The following GBP2 variants were observed in gnomAD, a reference collection of about 807,000 sequenced individuals.
GBP2 encodes guanylate binding protein 2.
A neutral mutation model predicts 60.8 loss-of-function variants in GBP2; 54 were observed. That is an observed-to-expected ratio of 0.89 (90% CI 0.71 to 1.11). The LOEUF (loss-of-function observed/expected upper bound fraction) is 1.11, where lower values mean the gene tolerates loss of function less well. GBP2 is among the 50% of genes most tolerant of loss of function. GBP2 has a pLI of 0.00. For missense variants in GBP2, 665 were observed against 703.3 expected, an observed-to-expected ratio of 0.95 and a Z score of 0.62; for synonymous variants, 243 against 256.5, an observed-to-expected ratio of 0.95 and a Z score of 0.50.
rs1265107317 is a variant in GBP2, at chr1:89,121,812, G to C, written c.155C>G (p.Ser52Cys). The C allele has an allele frequency of 3.2e-5, 52 of 1,613,902 alleles. No individual in the cohort carries two copies. Among genetic ancestry groups the C allele is most frequent in the Non-Finnish European group, 4.2e-5 (50 of 1,179,952 alleles). Residue 52 changes from serine to cysteine, a missense_variant, in exon 2 of 11, where the codon TCC (serine) becomes TGC (cysteine). Physicochemically the swap from Ser to Cys is moderately radical, Grantham distance 112. Coordinates refer to ENST00000370466, the MANE Select transcript of GBP2 (RefSeq NM_004120.5). ...CCCAGCCAGCTTGTTCATCAGGTAG[G>C]ATTTGCCTGTGCGATAGAGGCCCAC... The part of the protein sequence containing the change: ...AIVGLYRTGK[S>C]YLMNKLAGKK...
chr1:89,120,623 A>AT (rs1425813642), intron 3 of GBP2, among the ~76,000 whole-genome samples: 18 of 152,282 alleles, frequency 1.2e-4, no homozygotes, highest in Admixed American at 1.1e-3. Context: ...ATAGTAAGAT[A>AT]TTTTTTACAC....
At chr1:89,117,854 T>C in intron 4 of GBP2, 81 bp from the exon 5 acceptor site, 1 of 1,171,054 alleles carries the variant, frequency 8.5e-7, no homozygotes, top group Non-Finnish European at 1.2e-6. Flanking sequence ...TAAAATAATT[T>C]GGTTTCTTTT....
At chr1:89,109,031 G>T (rs1302729800) in intron 10 of GBP2, among the ~76,000 whole-genome samples, 2 of 152,076 alleles carry the variant, frequency 1.3e-5, no homozygotes, top group African/African-American at 2.4e-5. Flanking sequence ...GCATAGCTGG[G>T]ATTACAGGCA....
chr1:89,117,751 G>C lies in GBP2; in HGVS notation c.451C>G (p.Arg151Gly). ...CCAGGTGAGGAGTTTGCCTTGATTC[G>C]ATCTGTCAGCTCTGTCACATAGCTG... ...QLHYVTELTDRIKANSSPGNN... is the reference protein window; with the variant it reads ...QLHYVTELTDGIKANSSPGNN... The change falls in exon 5 of 11, where the codon CGA becomes GGA. Residue 151 changes from arginine to glycine, a missense_variant. Transcript: ENST00000370466. 6.2e-7 allele frequency: 1 copy of C among 1,612,980 alleles called. No homozygotes were observed.
Position 89,108,140 on chromosome 1 carries a change from GGGAGCT to G in GBP2, c.*29_*34del. On this transcript the variant is annotated 3_prime_UTR_variant, in exon 11 of 11. Coordinates refer to ENST00000370466, the MANE Select transcript of GBP2 (RefSeq NM_004120.5). ...TCATTCATGTTGTTTCTTGGGGAGA[GGGAGCT>G]GGACAGGCAAATTTTGCTCCTTGGA... is the stretch of plus-strand genomic sequence containing the variant. 8.7e-7 allele frequency: 1 copy of G among 1,143,884 alleles called. No individual in the cohort carries two copies. The allele number at this position is 1,143,884 out of a possible 1,614,324, so 70.9% of individuals were successfully genotyped here. A position where few individuals can be genotyped will look rare whatever the true frequency, so the allele number is the denominator to read the frequency against.
intron 6 of GBP2, 92 bp downstream of exon 6, chr1:89,116,900 G>T: frequency 7.7e-7 from 1 of 1,298,414 alleles, no homozygotes; most frequent in Non-Finnish European, 1.1e-6. Flanking sequence ...CTATGCATTT[G>T]TCAGAAGTGA....
chr1:89,112,451 G>T (rs1340058231), intron 8 of GBP2, 21 bp downstream of exon 8: 2 of 1,606,688 alleles, frequency 1.2e-6, no homozygotes, highest in African/African-American at 1.3e-5. Context: ...CCCAAGAAAT[G>T]GTACCCACCG....
rs1436713544 is a variant in GBP2, at chr1:89,121,237, G to C, written c.224C>G (p.Thr75Ser). 1.9e-6 allele frequency: 3 copies of C among 1,611,452 alleles called. No individual in the cohort carries two copies. The highest frequency in any genetic ancestry group is 4.5e-5 in the East Asian group (2 of 44,756). ...CACACACCACATCCAGATTCCCTTG[G>C]TGTGAGACTTCACTGTGGAGCCTAG... ...FSLGSTVKSH[T>S]KGIWMWCVPH... is the part of the protein sequence containing the mutation. Residue 75 changes from threonine to serine, a missense_variant, in exon 3 of 11, where the codon ACC (threonine) becomes AGC (serine). Thr to Ser is a moderately conservative substitution (Grantham distance 58). Coordinates refer to ENST00000370466, the MANE Select transcript of GBP2 (RefSeq NM_004120.5).
At chr1:89,119,171 A>C (rs1252383345) in intron 4 of GBP2, 1 of 152,212 alleles carries the variant, frequency 6.6e-6, no homozygotes, top group East Asian at 1.9e-4. Flanking sequence ...CCAATAAGGA[A>C]GGTGGAAAAT....
In GBP2 at chr1:89,109,957, C is replaced by T. The variant is rs1267408335; in HGVS notation, c.1466-87G>A. On this transcript the variant is annotated intron_variant, in intron 9 of 10. Coordinates refer to ENST00000370466, the MANE Select transcript of GBP2 (RefSeq NM_004120.5). ...TTTCCCTCGTTTTTGTTTGTCTTATCCTTACATCATTGAGAAAACTTCTTG... is the reference window on the plus strand; with the variant it reads ...TTTCCCTCGTTTTTGTTTGTCTTATTCTTACATCATTGAGAAAACTTCTTG... 11 of 1,272,270 alleles carry T rather than the reference C, an allele frequency of 8.6e-6. No individual in the cohort carries two copies. The South Asian group carries it at 1.0e-4, about 12-fold the overall frequency. The allele number at this position is 1,272,270 out of a possible 1,614,324, so 78.8% of individuals were successfully genotyped here.
chr1:89,118,567 A>G (rs1007339948), intron 4 of GBP2: 1 of 152,210 alleles, frequency 6.6e-6, no homozygotes. Flanking sequence ...TTTTTAAATC[A>G]TACTGGCTGG....
chr1:89,121,827 T>TA lies in GBP2; in HGVS notation c.139dup (p.Tyr47LeufsTer53). The TA allele has an allele frequency of 6.2e-7, 1 of 1,614,108 alleles. No homozygotes were observed. Among genetic ancestry groups the TA allele is most frequent in the South Asian group, 1.1e-5 (1 of 91,080 alleles). Reference sequence around the variant, plus strand: ...CATCAGGTAGGATTTGCCTGTGCGATAGAGGCCCACAATCGCCACCACCAC... The same window carrying TA: ...CATCAGGTAGGATTTGCCTGTGCGATAAGAGGCCCACAATCGCCACCACCAC... On this transcript the variant is annotated frameshift_variant, in exon 2 of 11. Transcript: ENST00000370466. LOFTEE classifies it high-confidence loss of function.
intron 1 of GBP2, among the ~76,000 whole-genome samples, chr1:89,123,464 T>G (rs6678777): frequency 1.3e-5 from 2 of 152,150 alleles, no homozygotes; most frequent in East Asian, 3.9e-4. Context: ...GTTTTTAAAA[T>G]CTTTTCTCTG....
intron 8 of GBP2, 90 bp downstream of exon 8, chr1:89,112,375 TAGGCACC>T: frequency 1.1e-6 from 1 of 935,370 alleles, no homozygotes; most frequent in Non-Finnish European, 1.7e-6. Flanking sequence ...GCAGAGGCCC[TAGGCACC>T]AGTTGCAGTG....
intron 4 of GBP2, chr1:89,119,743 T>C (rs1160017659): frequency 6.4e-6 from 1 of 156,432 alleles, no homozygotes; most frequent in Non-Finnish European, 1.4e-5. Context: ...ACACTTATGA[T>C]ATGCAAGGTA....
In GBP2 at chr1:89,120,638, G is replaced by A. The variant is rs370678286; in HGVS notation, c.319-350C>T. Among the ~76,000 whole-genome samples, 56 of 152,292 alleles carry A rather than the reference G, an allele frequency of 3.7e-4. 6 individuals carry two copies. The highest frequency in any genetic ancestry group is 9.1e-4 in the Admixed American group (14 of 15,306). ...ATAGTAAGATATTTTTTACACAGTA[G>A]TTAAAATAAGCTCCTTTAATAAAAG... On this transcript the variant is annotated intron_variant, in intron 3 of 10. Coordinates refer to ENST00000370466, the MANE Select transcript of GBP2 (RefSeq NM_004120.5).
Position 89,117,911 on chromosome 1 carries a change from T to C in GBP2, c.429-138A>G, listed in dbSNP as rs1681313167. On this transcript the variant is annotated intron_variant, in intron 4 of 10. Coordinates refer to ENST00000370466, the MANE Select transcript of GBP2 (RefSeq NM_004120.5). ...ACAAACATTTATTTACAGAATTCAT[T>C]CACTCACAAACATTTATTGAGCACC... 3 of 725,130 alleles carry C rather than the reference T, an allele frequency of 4.1e-6. No individual in the cohort carries two copies. The African/African-American group carries it at 5.4e-5, about 13-fold the overall frequency. 44.9% of individuals were successfully genotyped at this position (725,130 alleles called of 1,614,324 possible).
intron 10 of GBP2, among the ~76,000 whole-genome samples, chr1:89,109,182 AC>A (rs1342629254): frequency 6.6e-6 from 1 of 152,108 alleles, no homozygotes; most frequent in Non-Finnish European, 1.5e-5. Flanking sequence ...GGTGTGAGCC[AC>A]TGCACCTGGC....
rs1257964968 is a variant in GBP2 at position 89,112,590 on chromosome 1, G to C, written c.1244C>G (p.Pro415Arg). The C allele has an allele frequency of 6.2e-7, 1 of 1,613,982 alleles. No homozygotes were observed. Among genetic ancestry groups the C allele is most frequent in the Non-Finnish European group, 8.5e-7 (1 of 1,179,990 alleles). Reference protein sequence around the residue: ...CMALLQDIFGPLEEDVKQGTF... With the variant: ...CMALLQDIFGRLEEDVKQGTF... ...TCCCTGCTTGACATCTTCTTCTAAAGGGCCAAATATATCCTGAAGTAAAGC... is the reference window on the plus strand; with the variant it reads ...TCCCTGCTTGACATCTTCTTCTAAACGGCCAAATATATCCTGAAGTAAAGC... The change falls in exon 8 of 11, where the codon CCT (proline) becomes CGT (arginine). Residue 415 changes from proline to arginine, a missense_variant. Coordinates refer to ENST00000370466, the MANE Select transcript of GBP2 (RefSeq NM_004120.5).
Sources: allele counts gnomAD v4.1 joint callset (sites outside exome capture counted in the v4.1 genomes callset), GRCh38; gene constraint gnomAD v4.1.1; transcripts MANE v1.5; gene names NCBI Gene and HGNC (gene_info 2026-07-23, HGNC 2026-07-21).